FAM120A: variants seen among roughly 807,000 people sequenced by gnomAD.
FAM120A encodes constitutive coactivator of PPAR-gamma-like protein 1.
FAM120A carries 15 observed loss-of-function variants against 109.7 expected under a neutral mutation model. That is an observed-to-expected ratio of 0.14 (90% CI 0.09 to 0.21). The LOEUF is 0.21. Ranked by LOEUF, FAM120A falls within the 10% of genes least tolerant of loss-of-function variation. The pLI, the probability that FAM120A is intolerant of heterozygous loss-of-function variation, is 1.00. For synonymous variants in FAM120A, 493 were observed against 572.8 expected (o/e 0.86, Z 1.99); for missense variants, 899 against 1,439.3 (o/e 0.62, Z 6.07).
intron 3 of FAM120A, among the ~76,000 whole-genome samples, chr9:93,480,534 C>T (rs1047906489): frequency 1.3e-5 from 2 of 152,048 alleles, no homozygotes; most frequent in African/African-American, 4.8e-5. Context: ...AAGCCTGAGG[C>T]TGCGTTTATC....
intron 7 of FAM120A, among the ~76,000 whole-genome samples, chr9:93,517,598 T>C (rs1352303100): frequency 6.6e-6 from 1 of 152,240 alleles, no homozygotes; most frequent in African/African-American, 2.4e-5. Context: ...GTTTTTGTCT[T>C]AGTAAGAAAT....
chr9:93,564,600 G>A lies in FAM120A; in HGVS notation c.*60G>A. On this transcript the variant is annotated 3_prime_UTR_variant, in exon 18 of 18. Coordinates refer to ENST00000277165, the MANE Select transcript of FAM120A (RefSeq NM_014612.5). Reference sequence around the variant, plus strand: ...GGGTAAGGATTTAGGAATATCTGGAGAGAAAGAGAGCCTGCAGTTATGTAC... The same window carrying A: ...GGGTAAGGATTTAGGAATATCTGGAAAGAAAGAGAGCCTGCAGTTATGTAC... The A allele has an allele frequency of 7.2e-7, 1 of 1,386,950 alleles. No individual in the cohort carries two copies. The highest frequency in any genetic ancestry group is 1.4e-5 in the South Asian group (1 of 72,746). The allele number at this position is 1,386,950 out of a possible 1,614,324, so 85.9% of individuals were successfully genotyped here. A position where few individuals can be genotyped will look rare whatever the true frequency, so the allele number is the denominator to read the frequency against.
At chr9:93,538,405 A>T (rs752807708) in intron 10 of FAM120A, among the ~76,000 whole-genome samples, 3 of 152,176 alleles carry the variant, frequency 2.0e-5, no homozygotes, top group Non-Finnish European at 4.4e-5. Flanking sequence ...TCTTCGTTGT[A>T]TCCATTTTTC....
intron 5 of FAM120A, among the ~76,000 whole-genome samples, chr9:93,504,413 G>C (rs1199422384): frequency 6.6e-6 from 1 of 152,086 alleles, no homozygotes; most frequent in Non-Finnish European, 1.5e-5. Context: ...TAATATCTTA[G>C]CCCTCTTATA....
chr9:93,513,038 G>A (rs529454449), intron 5 of FAM120A, among the ~76,000 whole-genome samples: 27 of 152,190 alleles, frequency 1.8e-4, no homozygotes, highest in Non-Finnish European at 3.2e-4. Context: ...ACTTGAATGC[G>A]GGTGCTACAT....
intron 10 of FAM120A, among the ~76,000 whole-genome samples, chr9:93,536,656 A>G (rs1861528776): frequency 6.6e-6 from 1 of 152,194 alleles, no homozygotes; most frequent in African/African-American, 2.4e-5. Flanking sequence ...ATTTACAGCT[A>G]GCTTTCCTGT....
intron 7 of FAM120A, among the ~76,000 whole-genome samples, chr9:93,520,168 T>C (rs569495346): frequency 1.1e-4 from 16 of 152,182 alleles, no homozygotes; most frequent in Non-Finnish European, 2.2e-4. Flanking sequence ...TGTGTGCAGC[T>C]GATGGCAACT....
intron 7 of FAM120A, among the ~76,000 whole-genome samples, chr9:93,520,239 C>T (rs549419585): frequency 2.6e-5 from 4 of 152,170 alleles, no homozygotes; most frequent in Non-Finnish European, 5.9e-5. Flanking sequence ...GTAGTCCCAG[C>T]TACTCGGGAG....
chr9:93,507,497 G>A (rs1323868196), intron 5 of FAM120A, among the ~76,000 whole-genome samples: 1 of 152,210 alleles, frequency 6.6e-6, no homozygotes, highest in African/African-American at 2.4e-5. Flanking sequence ...AAAGCAGAGT[G>A]AGGAGCTAAG....
intron 12 of FAM120A, among the ~76,000 whole-genome samples, chr9:93,553,720 A>G (rs1862184465): frequency 6.6e-6 from 1 of 152,210 alleles, no homozygotes; most frequent in African/African-American, 2.4e-5. Context: ...GGTTCTCCCA[A>G]TTACCAGCTC....
At position 93,451,693 on chromosome 9, in the gene FAM120A, CGCAGCGGCG is replaced by C. The variant is rs905814695; in HGVS notation, c.-211_-203del. 1.2e-4 allele frequency: 114 copies of C among 985,082 alleles called. No homozygotes were observed. Among genetic ancestry groups the C allele is most frequent in the South Asian group, 3.2e-4 (7 of 22,154 alleles). 61.0% of individuals were successfully genotyped at this position (985,082 alleles called of 1,614,324 possible). A position where few individuals can be genotyped will look rare whatever the true frequency, so the allele number is the denominator to read the frequency against. On this transcript the variant is annotated 5_prime_UTR_variant, in exon 1 of 18. Transcript: ENST00000277165. ...TCAGCCTCGGCCTCGGCCTCGGCCT[CGCAGCGGCG>C]GCAGCGGCGGCGGCGGCAGGTCCCT...
intron 5 of FAM120A, among the ~76,000 whole-genome samples, chr9:93,503,299 C>A (rs1485293515): frequency 6.6e-6 from 1 of 152,172 alleles, no homozygotes; most frequent in Non-Finnish European, 1.5e-5. Flanking sequence ...TTTAAAGCAA[C>A]TTTATTCATA....
At chr9:93,497,874 TCTC>T (rs1859640083) in intron 4 of FAM120A, among the ~76,000 whole-genome samples, 1 of 152,194 alleles carries the variant, frequency 6.6e-6, no homozygotes, top group Non-Finnish European at 1.5e-5. Context: ...GTTGGTGAGG[TCTC>T]CTGCTCATAA....
intron 8 of FAM120A, among the ~76,000 whole-genome samples, chr9:93,529,102 A>G (rs940206496): frequency 6.6e-6 from 1 of 152,164 alleles, no homozygotes; most frequent in Non-Finnish European, 1.5e-5. Flanking sequence ...GCAGGGAGCA[A>G]CAGGCCCGCT....
chr9:93,506,786 C>A (rs1035860842), intron 5 of FAM120A, among the ~76,000 whole-genome samples: 1 of 151,810 alleles, frequency 6.6e-6, no homozygotes, highest in African/African-American at 2.4e-5. Context: ...TTAGTAGAGA[C>A]GGGGTTTCAC....
chr9:93,517,005 G>C (rs1324202006), intron 7 of FAM120A, among the ~76,000 whole-genome samples: 1 of 152,150 alleles, frequency 6.6e-6, no homozygotes, highest in East Asian at 1.9e-4. Context: ...AACCAGGGCT[G>C]GTTGATGTTA....
chr9:93,510,177 G>C (rs1860246900), intron 5 of FAM120A, among the ~76,000 whole-genome samples: 1 of 152,214 alleles, frequency 6.6e-6, no homozygotes, highest in South Asian at 2.1e-4. Context: ...GGTGCTGGGG[G>C]CTTTGCTTTC....
intron 1 of FAM120A, chr9:93,453,144 A>T: frequency 2.0e-6 from 2 of 1,003,700 alleles, no homozygotes; most frequent in Non-Finnish European, 2.4e-6. Flanking sequence ...ATGCGAAAGG[A>T]GTCGCTCAAA....
chr9:93,528,620 C>T (rs1019560567), intron 8 of FAM120A, among the ~76,000 whole-genome samples: 12 of 152,172 alleles, frequency 7.9e-5, no homozygotes, highest in African/African-American at 2.7e-4. Flanking sequence ...TTAGTTGTTA[C>T]AGAATGGGTG....
Sources: gnomAD v4.1 joint callset for allele counts (sites outside exome capture counted in the v4.1 genomes callset) on GRCh38, gnomAD v4.1.1 for gene constraint, MANE v1.5 for transcripts, NCBI Gene and HGNC (gene_info 2026-07-23, HGNC 2026-07-21) for gene names.